The following MAP3K15 variants were observed in gnomAD, a reference collection of about 807,000 sequenced individuals.
MAP3K15 encodes mitogen-activated protein kinase kinase kinase 15, also known as MAPK/ERK kinase kinase 15.
MAP3K15 carries 124 observed loss-of-function variants against 99.5 expected under a neutral mutation model. The ratio of observed to expected loss-of-function variants is 1.25; its 90% CI spans 1.08 to 1.45. The LOEUF is 1.45. Among genes scored for constraint, MAP3K15 ranks in the 40% most tolerant of loss-of-function variants. The pLI is 0.00. For synonymous variants in MAP3K15, 494 were observed against 439.6 expected, an observed-to-expected ratio of 1.12 and a Z score of -1.55; for missense variants, 1,242 against 1,079.7, an observed-to-expected ratio of 1.15 and a Z score of -2.11.
chrX:19,410,000 A>G, intron 11 of MAP3K15, 27 bp from the exon 12 acceptor site: 3 of 1,169,867 alleles, frequency 2.6e-6, no homozygotes, highest in Non-Finnish European at 3.5e-6. Context: ...ACAGAAGTCA[A>G]TAGTTTGAGT....
At chrX:19,472,227 AATAATAATAATAAT>A (rs1200853781) in intron 3 of MAP3K15, among the ~76,000 whole-genome samples, 2 of 1,602 alleles carry the variant, frequency 1.2e-3, no homozygotes, top group African/African-American at 5.2e-3. Flanking sequence ...CTGTCTCAAA[AATAATAATAATAAT>A]AATAATAATA....
intron 7 of MAP3K15, among the ~76,000 whole-genome samples, chrX:19,429,760 A>AAGAGAGAGAGAGAGAGAGAGAG (rs369383239): frequency 3.0e-5 from 1 of 33,195 alleles, no homozygotes; most frequent in Non-Finnish European, 7.6e-5. Flanking sequence ...GTATGAAAGG[A>AAGAGAGAGAGAGAGAGAGAGAG]AGAGAGAGAG....
At chrX:19,476,758 G>A (rs886202023) in intron 3 of MAP3K15, among the ~76,000 whole-genome samples, 5 of 112,124 alleles carry the variant, frequency 4.5e-5, no homozygotes, top group Non-Finnish European at 9.4e-5. Flanking sequence ...TGCTGGAAAC[G>A]TGCCATGGAG....
At chrX:19,379,323 A>G (rs1208038507) in intron 19 of MAP3K15, among the ~76,000 whole-genome samples, 2 of 103,664 alleles carry the variant, frequency 1.9e-5, no homozygotes, top group African/African-American at 7.1e-5. Context: ...GTCATCTTTT[A>G]TTAATGTTTT....
In MAP3K15 at chrX:19,487,015, G is replaced by A. The variant is rs544323452; in HGVS notation, c.502-510C>T. Among the ~76,000 whole-genome samples the A allele has an allele frequency of 5.5e-5, 6 of 108,373 alleles. No individual in the cohort carries two copies. The South Asian group carries it at 2.4e-3, about 44-fold the overall frequency. The allele number at this position is 108,373 out of a possible 115,157, so 94.1% of individuals were successfully genotyped here. A position where few individuals can be genotyped will look rare whatever the true frequency, so the allele number is the denominator to read the frequency against. On this transcript the variant is annotated intron_variant, in intron 2 of 28. Transcript: ENST00000338883. ...TTGGTAGTAGAATTCCTGACACCCT[G>A]CTACAACTGTCTAGGAATGTTCAAA...
chrX:19,416,414 G>A (rs1365890099), intron 9 of MAP3K15, among the ~76,000 whole-genome samples: 1 of 111,015 alleles, frequency 9.0e-6, no homozygotes, highest in Admixed American at 9.6e-5. Flanking sequence ...CCAGTAAATT[G>A]CAGATCATAG....
intron 3 of MAP3K15, among the ~76,000 whole-genome samples, chrX:19,485,425 CCATTT>C (rs911426658): frequency 9.2e-6 from 1 of 108,785 alleles, no homozygotes; most frequent in Non-Finnish European, 1.9e-5. Context: ...ACACCTGATC[CCATTT>C]CTTTTCCAAA....
intron 6 of MAP3K15, among the ~76,000 whole-genome samples, chrX:19,442,913 G>A (rs1188465786): frequency 3.8e-5 from 4 of 104,270 alleles, no homozygotes; most frequent in Admixed American, 1.1e-4. Flanking sequence ...TAGTAGAGAC[G>A]GGGTTTCACC....
intron 19 of MAP3K15, among the ~76,000 whole-genome samples, chrX:19,376,191 T>C (rs1046693337): frequency 9.0e-6 from 1 of 111,360 alleles, no homozygotes; most frequent in Non-Finnish European, 1.9e-5. Flanking sequence ...ACAAACTGGG[T>C]GGCTGAAACA....
chrX:19,364,665 C>T (rs764841026), intron 25 of MAP3K15, among the ~76,000 whole-genome samples: 1 of 110,180 alleles, frequency 9.1e-6, no homozygotes, highest in South Asian at 3.8e-4. Flanking sequence ...CTTTGGGAGG[C>T]TGAGGTAGGC....
At chrX:19,367,338 G>A (rs1293457171) in intron 25 of MAP3K15, among the ~76,000 whole-genome samples, 1 of 110,820 alleles carries the variant, frequency 9.0e-6, no homozygotes, top group Admixed American at 9.7e-5. Context: ...GTGGAGGCTG[G>A]GAGGAGGATC....
intron 20 of MAP3K15, 151 bp from the exon 21 acceptor site, chrX:19,373,846 C>T: frequency 1.7e-6 from 1 of 579,444 alleles, no homozygotes. Flanking sequence ...GCCACAGGTG[C>T]TGTATTTCTA....
chrX:19,429,562 T>G (rs141789070), intron 7 of MAP3K15, among the ~76,000 whole-genome samples: 1,243 of 110,055 alleles, frequency 0.011, 21 homozygotes, highest in African/African-American at 0.039. Context: ...CTTCAAAATG[T>G]TGAGTCTGAA....
intron 1 of MAP3K15, among the ~76,000 whole-genome samples, chrX:19,501,391 C>T (rs767717503): frequency 8.9e-6 from 1 of 112,295 alleles, no homozygotes; most frequent in African/African-American, 3.2e-5. Flanking sequence ...CTACTTCCAT[C>T]CCAGCATGTC....
chrX:19,488,755 G>T, intron 2 of MAP3K15, 73 bp downstream of exon 2: 1 of 1,020,554 alleles, frequency 9.8e-7, no homozygotes, highest in Non-Finnish European at 1.3e-6. Context: ...CTGTGCTACT[G>T]TGGCATTTCA....
intron 1 of MAP3K15, chrX:19,496,242 T>A (rs1049687111): frequency 9.1e-6 from 1 of 110,092 alleles, no homozygotes; most frequent in Non-Finnish European, 1.9e-5. Context: ...AATTTTTGTA[T>A]TTTTAGTAGA....
chrX:19,435,232 C>CTT (rs762215032), intron 6 of MAP3K15, among the ~76,000 whole-genome samples: 10 of 99,309 alleles, frequency 1.0e-4, no homozygotes, highest in African/African-American at 2.6e-4. Flanking sequence ...CACTTGAATG[C>CTT]TTTTTTTTTT....
At chrX:19,407,779 G>A (rs747865974) in intron 12 of MAP3K15, among the ~76,000 whole-genome samples, 1 of 112,124 alleles carries the variant, frequency 8.9e-6, no homozygotes, top group South Asian at 3.7e-4. Flanking sequence ...CTCCACCCAG[G>A]GTCTGTACCT....
At chrX:19,490,568 C>T (rs1270247987) in intron 1 of MAP3K15, among the ~76,000 whole-genome samples, 3 of 109,571 alleles carry the variant, frequency 2.7e-5, no homozygotes, top group African/African-American at 6.7e-5. Flanking sequence ...GACAACATGG[C>T]GAAACCCCAT....
Sources: allele counts gnomAD v4.1 joint callset (sites outside exome capture counted in the v4.1 genomes callset), GRCh38; gene constraint gnomAD v4.1.1; transcripts MANE v1.5; gene names NCBI Gene and HGNC (gene_info 2026-07-23, HGNC 2026-07-21).